GRIP1: variants seen among roughly 807,000 people sequenced by gnomAD.
GRIP1 encodes the protein glutamate receptor interacting protein 1, also known as glutamate receptor-interacting protein 1.
In GRIP1, 45 loss-of-function variants were observed where a neutral mutation model predicts 129.9. That is an observed-to-expected ratio of 0.35 (90% confidence interval 0.27 to 0.44). The LOEUF (loss-of-function observed/expected upper bound fraction) is 0.44, where lower values mean the gene tolerates loss of function less well. Ranked by LOEUF, GRIP1 falls within the 20% of genes least tolerant of loss-of-function variation. The pLI, the probability that GRIP1 is intolerant of heterozygous loss-of-function variation, is 1.00. For missense variants in GRIP1, 1,196 were observed against 1,396.8 expected (o/e 0.86, Z 2.29); for synonymous variants, 530 against 520.8 (o/e 1.02, Z -0.24).
chr12:66,909,299 C>T (rs1367401568), intron 1 of GRIP1, among the ~76,000 whole-genome samples: 2 of 152,140 alleles, frequency 1.3e-5, no homozygotes, highest in Non-Finnish European at 2.9e-5. Flanking sequence ...CCAATGTTCT[C>T]TATGAATAAT....
At chr12:67,037,313 G>A (rs2043111357) in intron 1 of GRIP1, 1 of 83,328 alleles carries the variant, frequency 1.2e-5, no homozygotes, top group South Asian at 4.9e-4. Context: ...GGGCAACAGA[G>A]TGAGACTCTG....
chr12:66,391,082 A>T (rs1044605851), intron 19 of GRIP1, among the ~76,000 whole-genome samples: 4 of 152,034 alleles, frequency 2.6e-5, no homozygotes, highest in African/African-American at 9.7e-5. Context: ...CTTAACAGAG[A>T]GTGACACAAC....
chr12:66,710,917 T>C (rs1489736377), intron 1 of GRIP1, among the ~76,000 whole-genome samples: 2 of 151,888 alleles, frequency 1.3e-5, no homozygotes, highest in Non-Finnish European at 2.9e-5. Flanking sequence ...TCACTTCACA[T>C]AGTATATGAT....
At chr12:66,667,917 C>T (rs1237802278) in intron 1 of GRIP1, among the ~76,000 whole-genome samples, 1 of 152,292 alleles carries the variant, frequency 6.6e-6, no homozygotes, top group East Asian at 1.9e-4. Context: ...GTTCCATGGC[C>T]AGGAAGGGTG....
chr12:66,560,820 C>A (rs1254870677), intron 2 of GRIP1, among the ~76,000 whole-genome samples: 3 of 151,968 alleles, frequency 2.0e-5, no homozygotes, highest in Admixed American at 6.6e-5. Context: ...GCAGCATATA[C>A]CCATATACTG....
chr12:66,502,639 T>A (rs1234102764), intron 7 of GRIP1, among the ~76,000 whole-genome samples: 4 of 152,102 alleles, frequency 2.6e-5, no homozygotes, highest in Non-Finnish European at 4.4e-5. Context: ...AATTGTGTGG[T>A]ACCCTCTCCT....
intron 1 of GRIP1, among the ~76,000 whole-genome samples, chr12:66,840,571 T>C (rs2039697809): frequency 6.6e-6 from 1 of 152,220 alleles, no homozygotes; most frequent in Non-Finnish European, 1.5e-5. Context: ...ACATTTTTCT[T>C]GCCAGTGATG....
At chr12:66,575,780 G>T (rs1350605897) in intron 2 of GRIP1, among the ~76,000 whole-genome samples, 2 of 152,172 alleles carry the variant, frequency 1.3e-5, no homozygotes, top group African/African-American at 2.4e-5. Context: ...TTAGCATTTA[G>T]CTGAAATACT....
chr12:66,399,494 T>G (rs573589492), intron 16 of GRIP1, among the ~76,000 whole-genome samples: 2 of 152,070 alleles, frequency 1.3e-5, no homozygotes, highest in South Asian at 4.1e-4. Flanking sequence ...AAAGTGAGCC[T>G]AAGCAGATGT....
At chr12:66,403,618 A>G (rs1874338) in intron 16 of GRIP1, among the ~76,000 whole-genome samples, 108,051 of 152,014 alleles carry the variant, frequency 0.71, 38,951 homozygotes, top group Non-Finnish European at 0.79. Flanking sequence ...GGGTAAGCAT[A>G]TCTCTCATGC....
chr12:66,586,384 T>G (rs760029769), intron 2 of GRIP1, among the ~76,000 whole-genome samples: 2 of 152,202 alleles, frequency 1.3e-5, no homozygotes, highest in Non-Finnish European at 2.9e-5. Context: ...TCACTGCTTT[T>G]GTTTCTTCAT....
At chr12:67,060,350 C>T (rs2043510650) in intron 1 of GRIP1, among the ~76,000 whole-genome samples, 1 of 152,106 alleles carries the variant, frequency 6.6e-6, no homozygotes, top group Non-Finnish European at 1.5e-5. Context: ...TAGTTTCAGG[C>T]AAATAATATC....
At chr12:67,016,599 C>T (rs188370729) in intron 1 of GRIP1, among the ~76,000 whole-genome samples, 2 of 152,058 alleles carry the variant, frequency 1.3e-5, no homozygotes, top group East Asian at 1.9e-4. Context: ...GCTGTCCCCC[C>T]ACTTTATCTT....
At chr12:66,397,694 T>C (rs1038422082) in intron 16 of GRIP1, among the ~76,000 whole-genome samples, 5 of 152,270 alleles carry the variant, frequency 3.3e-5, no homozygotes, top group African/African-American at 1.2e-4. Flanking sequence ...TTTTTAGGCA[T>C]ACGTTAGTAA....
chr12:67,054,312 G>T (rs2043396234), intron 1 of GRIP1, among the ~76,000 whole-genome samples: 1 of 152,176 alleles, frequency 6.6e-6, no homozygotes, highest in South Asian at 2.1e-4. Context: ...TATGAGCCAA[G>T]CACTCTTCTG....
At chr12:66,841,783 C>T (rs373094537) in intron 1 of GRIP1, among the ~76,000 whole-genome samples, 21 of 152,130 alleles carry the variant, frequency 1.4e-4, no homozygotes, top group African/African-American at 3.9e-4. Flanking sequence ...TATCGCTTCA[C>T]GGGGGCATCT....
chr12:66,699,922 G>A (rs1179420378), intron 1 of GRIP1, among the ~76,000 whole-genome samples: 1 of 152,194 alleles, frequency 6.6e-6, no homozygotes, highest in Admixed American at 6.5e-5. Flanking sequence ...AGAGAAGAGA[G>A]AGGGAGGAAC....
At chr12:67,042,677 C>A (rs1462555441) in intron 1 of GRIP1, among the ~76,000 whole-genome samples, 7 of 152,242 alleles carry the variant, frequency 4.6e-5, no homozygotes, top group African/African-American at 1.7e-4. Context: ...GGTTGCCAGT[C>A]ATCAAGAGGC....
chr12:66,629,512 A>G (rs1320848582), intron 1 of GRIP1, among the ~76,000 whole-genome samples: 1 of 152,226 alleles, frequency 6.6e-6, no homozygotes, highest in Admixed American at 6.5e-5. Context: ...CTCTAATTAT[A>G]ATCTTGAGTC....
Sources: allele counts gnomAD v4.1 joint callset (sites outside exome capture counted in the v4.1 genomes callset), GRCh38; gene constraint gnomAD v4.1.1; transcripts MANE v1.5; gene names NCBI Gene and HGNC (gene_info 2026-07-23, HGNC 2026-07-21).